WWOX: variants seen among roughly 807,000 people sequenced by gnomAD.
The protein encoded by WWOX is WW domain containing oxidoreductase.
Under a neutral mutation model 46.2 loss-of-function variants are expected in WWOX, and 69 were observed. The ratio of observed to expected loss-of-function variants is 1.49; its 90% CI spans 1.23 to 1.82. WWOX has a LOEUF of 1.82. Among genes scored for constraint, WWOX ranks in the 40% most tolerant of loss-of-function variants. The pLI is 0.00. For missense variants in WWOX, 919 were observed against 542.6 expected (o/e 1.69, Z -6.89); for synonymous variants, 359 against 202.6 (o/e 1.77, Z -6.56).
chr16:78,612,176 GA>G (rs2045916220), intron 8 of WWOX, among the ~76,000 whole-genome samples: 1 of 152,338 alleles, frequency 6.6e-6, no homozygotes, highest in Admixed American at 6.5e-5. Context: ...GTATTCTTTG[GA>G]GAGCACTGTT....
chr16:78,656,589 T>C (rs1452951800), intron 8 of WWOX, among the ~76,000 whole-genome samples: 1 of 152,178 alleles, frequency 6.6e-6, no homozygotes, highest in African/African-American at 2.4e-5. Context: ...TCACTCACTG[T>C]CATGAGAACA....
At chr16:78,146,396 C>T (rs949190635) in intron 4 of WWOX, among the ~76,000 whole-genome samples, 1 of 152,080 alleles carries the variant, frequency 6.6e-6, no homozygotes, top group African/African-American at 2.4e-5. Flanking sequence ...CTCTTTTTGG[C>T]CCAGAAGCAG....
Position 78,530,932 on chromosome 16 carries a change from T to A in WWOX, c.1056+98180T>A, listed in dbSNP as rs192080446. Among the ~76,000 whole-genome samples, 622 of 152,358 alleles carry A rather than the reference T, an allele frequency of 4.1e-3. 4 individuals are homozygous for A. The highest frequency in any genetic ancestry group is 0.014 in the African/African-American group (582 of 41,586). On this transcript the variant is annotated intron_variant, in intron 8 of 8. Coordinates refer to ENST00000566780, the MANE Select transcript of WWOX (RefSeq NM_016373.4). ...ATTTCACAACTCCATAAAGTAGTTT[T>A]CACTTAGTTGAGGGATGAAAAAAGT... is the stretch of plus-strand genomic sequence containing the variant.
chr16:79,057,295 G>C (rs2048281009), intron 8 of WWOX, among the ~76,000 whole-genome samples: 2 of 152,180 alleles, frequency 1.3e-5, no homozygotes, highest in African/African-American at 4.8e-5. Context: ...CCCAGCATGG[G>C]GGCATGAATT....
chr16:78,459,896 C>A lies in WWOX; in HGVS notation c.1056+27144C>A, dbSNP rs903321698. Among the ~76,000 whole-genome samples, 16 of 151,640 alleles carry A rather than the reference C, an allele frequency of 1.1e-4. 1 individual carries two copies. Among genetic ancestry groups the A allele is most frequent in the Admixed American group, 7.3e-4 (11 of 15,172 alleles). ...CATGGCTCACTGCAGTCTTGACCAC[C>A]CTGGCTCAGGTGATCCTCCCACCTC... is the stretch of plus-strand genomic sequence containing the variant. On this transcript the variant is annotated intron_variant, in intron 8 of 8. Transcript: ENST00000566780.
At chr16:79,159,786 C>A (rs1375388365) in intron 8 of WWOX, among the ~76,000 whole-genome samples, 1 of 152,192 alleles carries the variant, frequency 6.6e-6, no homozygotes, top group African/African-American at 2.4e-5. Context: ...TGCGAATTCT[C>A]CTCATGCTAG....
intron 4 of WWOX, among the ~76,000 whole-genome samples, chr16:78,152,253 T>C (rs1017340437): frequency 1.2e-4 from 18 of 152,156 alleles, no homozygotes; most frequent in African/African-American, 4.3e-4. Flanking sequence ...TCATTTCTCC[T>C]CATTCTTTTT....
At position 78,482,075 on chromosome 16, in the gene WWOX, C is replaced by A. The variant is rs1026620566; in HGVS notation, c.1056+49323C>A. Among the ~76,000 whole-genome samples, 3 of 152,022 alleles carry A rather than the reference C, an allele frequency of 2.0e-5. No homozygotes were observed. The East Asian group carries it at 5.8e-4, about 29-fold the overall frequency. ...TTAGAATGTGCTTGTTATGGTCCCA[C>A]CTATTCTGGGGAATAGGTGGATATT... On this transcript the variant is annotated intron_variant, in intron 8 of 8. Coordinates refer to ENST00000566780, the MANE Select transcript of WWOX (RefSeq NM_016373.4).
chr16:78,375,310 C>A (rs1044132943), intron 5 of WWOX, among the ~76,000 whole-genome samples: 1 of 152,236 alleles, frequency 6.6e-6, no homozygotes. Flanking sequence ...AGCCAAACAG[C>A]CTGAAGAACC....
At chr16:78,489,314 C>T (rs568937098) in intron 8 of WWOX, among the ~76,000 whole-genome samples, 42 of 152,206 alleles carry the variant, frequency 2.8e-4, no homozygotes, top group South Asian at 2.1e-3. Context: ...CAGCTGAGGT[C>T]GCTCTGCTTG....
chr16:78,992,649 G>C (rs530716085), intron 8 of WWOX, among the ~76,000 whole-genome samples: 50 of 152,150 alleles, frequency 3.3e-4, no homozygotes, highest in Non-Finnish European at 6.2e-4. Flanking sequence ...CTTAATGTCT[G>C]TTGTGGAAGT....
intron 8 of WWOX, among the ~76,000 whole-genome samples, chr16:78,704,909 A>T (rs912717750): frequency 1.5e-5 from 2 of 136,150 alleles, no homozygotes; most frequent in Non-Finnish European, 3.1e-5. Flanking sequence ...TCTTCCTCTA[A>T]AATACAACTT....
intron 5 of WWOX, among the ~76,000 whole-genome samples, chr16:78,259,382 A>G (rs1597412069): frequency 6.6e-6 from 1 of 152,200 alleles, no homozygotes; most frequent in East Asian, 1.9e-4. Context: ...GTTGGAGTGC[A>G]GTGGCACAAT....
chr16:78,479,622 G>A (rs1205906641), intron 8 of WWOX, among the ~76,000 whole-genome samples: 1 of 152,254 alleles, frequency 6.6e-6, no homozygotes, highest in South Asian at 2.1e-4. Context: ...TGCTCTCGTT[G>A]CCTCCAAGGA....
At chr16:78,816,213 T>G (rs2051326186) in intron 8 of WWOX, among the ~76,000 whole-genome samples, 1 of 152,200 alleles carries the variant, frequency 6.6e-6, no homozygotes, top group South Asian at 2.1e-4. Context: ...ATGTAAAATT[T>G]GGGACGCTGG....
At chr16:78,207,061 G>A (rs1051113199) in intron 5 of WWOX, among the ~76,000 whole-genome samples, 14 of 152,150 alleles carry the variant, frequency 9.2e-5, no homozygotes, top group Non-Finnish European at 1.9e-4. Flanking sequence ...CAGGGCCAGA[G>A]GGCTAAGGAA....
chr16:78,504,228 G>C (rs1166845338), intron 8 of WWOX, among the ~76,000 whole-genome samples: 1 of 152,164 alleles, frequency 6.6e-6, no homozygotes, highest in Non-Finnish European at 1.5e-5. Context: ...TATTCTCTAG[G>C]ATATATTAGG....
At chr16:79,147,291 T>G (rs2050199097) in intron 8 of WWOX, among the ~76,000 whole-genome samples, 1 of 152,184 alleles carries the variant, frequency 6.6e-6, no homozygotes, top group Non-Finnish European at 1.5e-5. Flanking sequence ...ACCACTAAAC[T>G]GTTCTCCACT....
intron 8 of WWOX, among the ~76,000 whole-genome samples, chr16:79,070,139 A>G (rs374508291): frequency 2.0e-5 from 3 of 152,314 alleles, no homozygotes; most frequent in East Asian, 3.9e-4. Flanking sequence ...AAGTTAAGCT[A>G]TTTCCCTAAT....
Sources: allele counts gnomAD v4.1 joint callset (sites outside exome capture counted in the v4.1 genomes callset), GRCh38; gene constraint gnomAD v4.1.1; transcripts MANE v1.5; gene names NCBI Gene and HGNC (gene_info 2026-07-23, HGNC 2026-07-21).